Variants in EP300 observed in about 807,000 individuals in gnomAD.
EP300 encodes histone acetyltransferase p300.
In EP300, 31 loss-of-function variants were observed where a neutral mutation model predicts 264.0. The ratio of observed to expected loss-of-function variants is 0.12; its 90% CI spans 0.09 to 0.16. EP300 has a LOEUF of 0.16. Among genes scored for constraint, EP300 ranks in the 10% least tolerant of loss-of-function variants. The pLI is 1.00. For synonymous variants in EP300, 1,340 were observed against 1,045.4 expected, an observed-to-expected ratio of 1.28 and a Z score of -5.44; for missense variants, 2,766 against 3,052.9, an observed-to-expected ratio of 0.91 and a Z score of 2.21.
chr22:41,123,280 A>G (rs139583463), intron 2 of EP300, among the ~76,000 whole-genome samples: 62 of 152,328 alleles, frequency 4.1e-4, no homozygotes, highest in African/African-American at 1.3e-3. Flanking sequence ...TTGTAGGGAA[A>G]GGGAAAAGCT....
At chr22:41,159,047 A>C (rs1414542381) in intron 19 of EP300, 1 of 155,160 alleles carries the variant, frequency 6.4e-6, no homozygotes, top group Non-Finnish European at 1.4e-5. Flanking sequence ...GTGACAGAGG[A>C]TGATTTGAGT....
chr22:41,107,748 T>C (rs1273431049), intron 1 of EP300, among the ~76,000 whole-genome samples: 1 of 152,234 alleles, frequency 6.6e-6, no homozygotes, highest in African/African-American at 2.4e-5. Flanking sequence ...TTGCCCAAAC[T>C]GGAGTGCATT....
At chr22:41,153,065 A>G (rs567300210) in intron 16 of EP300, among the ~76,000 whole-genome samples, 1 of 152,216 alleles carries the variant, frequency 6.6e-6, no homozygotes, top group South Asian at 2.1e-4. Flanking sequence ...CTCATTTAAT[A>G]ATTTCACAAC....
At chr22:41,137,213 CG>C (rs1021781152) in intron 7 of EP300, among the ~76,000 whole-genome samples, 4 of 151,554 alleles carry the variant, frequency 2.6e-5, no homozygotes, top group Non-Finnish European at 4.4e-5. Flanking sequence ...CAAAATTAGC[CG>C]GACGTGGTGG....
chr22:41,160,584 C>T, intron 19 of EP300, 58 bp from the exon 20 acceptor site: 1 of 1,566,720 alleles, frequency 6.4e-7, no homozygotes, highest in Non-Finnish European at 8.8e-7. Flanking sequence ...CGTTGCTTGG[C>T]TTGGGCTGTG....
At chr22:41,163,758 C>CAA (rs536777439) in intron 21 of EP300, among the ~76,000 whole-genome samples, 235 of 151,700 alleles carry the variant, frequency 1.5e-3, no homozygotes, top group African/African-American at 5.6e-3. Context: ...GAAAACAAAA[C>CAA]AAAAAACAGC....
chr22:41,179,360 C>T lies in EP300; in HGVS notation c.*404C>T, dbSNP rs909289817. The T allele has an allele frequency of 1.3e-5, 3 of 223,104 alleles. No individual in the cohort carries two copies. Among genetic ancestry groups the T allele is most frequent in the African/African-American group, 2.3e-5 (1 of 44,118 alleles). The allele number at this position is 223,104 out of a possible 1,614,324, so 13.8% of individuals were successfully genotyped here. A position where few individuals can be genotyped will look rare whatever the true frequency, so the allele number is the denominator to read the frequency against. On this transcript the variant is annotated 3_prime_UTR_variant, in exon 31 of 31. Transcript: ENST00000263253. ...ACTGGTGCAGATGGTTGACATTTTT[C>T]CCTATTTTCCTCACTTTATGGAAGA...
At chr22:41,162,438 A>G (rs1013276682) in intron 20 of EP300, among the ~76,000 whole-genome samples, 3 of 152,176 alleles carry the variant, frequency 2.0e-5, no homozygotes, top group South Asian at 2.1e-4. Flanking sequence ...TAACACCAAG[A>G]ATAGTAACAG....
intron 2 of EP300, among the ~76,000 whole-genome samples, chr22:41,124,277 C>G (rs541253052): frequency 3.3e-5 from 5 of 152,116 alleles, no homozygotes; most frequent in African/African-American, 1.2e-4. Context: ...GTTGCAAAGT[C>G]AAATGACTTG....
intron 1 of EP300, among the ~76,000 whole-genome samples, chr22:41,110,084 C>T (rs1000009289): frequency 2.5e-4 from 35 of 142,074 alleles, no homozygotes; most frequent in Non-Finnish European, 4.1e-4. Flanking sequence ...GCTGGGATTA[C>T]AGGTGTGACC....
In EP300 at chr22:41,149,889, T is replaced by G. The variant is rs1188345048; in HGVS notation, c.2508T>G (p.Pro836=). The G allele has an allele frequency of 6.2e-7, 1 of 1,613,900 alleles. No homozygotes were observed. The highest frequency in any genetic ancestry group is 1.3e-5 in the African/African-American group (1 of 74,848). The change falls in exon 14 of 31, where the codon CCT becomes CCG. Residue 836 remains proline, a synonymous_variant. Transcript: ENST00000263253. ...ATCAGAATTCACCCTCGCCTGTACC[T>G]AGTCGTACCCCCACCCCTCACCATA... ...ALHQNSPSPV[P]SRTPTPHHTP...
intron 17 of EP300, among the ~76,000 whole-genome samples, chr22:41,156,942 A>G (rs2059080832): frequency 6.6e-6 from 1 of 152,186 alleles, no homozygotes; most frequent in Non-Finnish European, 1.5e-5. Context: ...TATCAGCCTG[A>G]TGTCTAGAAA....
chr22:41,119,172 A>ATTTTTTTTTTTTTTT lies in EP300; in HGVS notation c.729+1353_729+1354insTTTTTTTTTTTTTTT. Among the ~76,000 whole-genome samples the ATTTTTTTTTTTTTTT allele has an allele frequency of 1.9e-5, 2 of 107,274 alleles. 1 individual carries two copies. Among genetic ancestry groups the ATTTTTTTTTTTTTTT allele is most frequent in the Non-Finnish European group, 3.6e-5 (2 of 56,234 alleles). 70.4% of individuals were successfully genotyped at this position (107,274 alleles called of 152,430 possible). ...CACATACCACCATGCCTGGCTTATT[A>ATTTTTTTTTTTTTTT]TTATTTTTTTTTTTTTTTTTTTTTT... is the stretch of plus-strand genomic sequence containing the variant. On this transcript the variant is annotated intron_variant, in intron 2 of 30. Coordinates refer to ENST00000263253, the MANE Select transcript of EP300 (RefSeq NM_001429.4).
chr22:41,117,240 T>A lies in EP300; in HGVS notation c.148T>A (p.Ser50Thr). ...CGACTTACCAGATGAATTAATCAAC[T>A]CTACAGAATTGGGACTAACCAATGG... ...EHDLPDELIN[S>T]TELGLTNGGD... The change falls in exon 2 of 31, where the codon TCT becomes ACT. Residue 50 changes from serine (S) to threonine (T), a missense_variant. Transcript: ENST00000263253. The A allele has an allele frequency of 6.2e-7, 1 of 1,614,214 alleles. No homozygotes were observed. The highest frequency in any genetic ancestry group is 8.5e-7 in the Non-Finnish European group (1 of 1,180,030).
chr22:41,135,516 C>T (rs542494340), intron 6 of EP300, among the ~76,000 whole-genome samples: 1 of 151,210 alleles, frequency 6.6e-6, no homozygotes, highest in South Asian at 2.1e-4. Context: ...TTCTGGTCTC[C>T]TGAAGTGCTG....
At chr22:41,143,277 C>T (rs1372176763) in intron 10 of EP300, among the ~76,000 whole-genome samples, 1 of 152,112 alleles carries the variant, frequency 6.6e-6, no homozygotes, top group Non-Finnish European at 1.5e-5. Context: ...CATGGTGAAA[C>T]TCTGTCTCTA....
chr22:41,093,482 C>A (rs1284627577), intron 1 of EP300, among the ~76,000 whole-genome samples: 1 of 152,144 alleles, frequency 6.6e-6, no homozygotes, highest in African/African-American at 2.4e-5. Context: ...AATCCTTTCT[C>A]TTTACTGTAC....
chr22:41,093,597 A>G (rs1267109947), intron 1 of EP300, among the ~76,000 whole-genome samples: 1 of 152,208 alleles, frequency 6.6e-6, no homozygotes, highest in Non-Finnish European at 1.5e-5. Context: ...TGTGTGTGCG[A>G]GGTCCAAGAT....
Position 41,092,812 on chromosome 22 carries a change from C to T in EP300, c.-193C>T, listed in dbSNP as rs1365712826. 2.0e-5 allele frequency: 14 copies of T among 683,694 alleles called. No homozygotes were observed. Among genetic ancestry groups the T allele is most frequent in the African/African-American group, 1.1e-4 (6 of 55,644 alleles). 42.4% of individuals were successfully genotyped at this position (683,694 alleles called of 1,614,324 possible). On this transcript the variant is annotated 5_prime_UTR_variant, in exon 1 of 31. Coordinates refer to ENST00000263253, the MANE Select transcript of EP300 (RefSeq NM_001429.4). ...GCCCGGCCCCTCGCACTTGCCCTTA[C>T]CTTTTCTATCGAGTCCGCATCCCTC...
Sources: gnomAD v4.1 joint callset for allele counts (sites outside exome capture counted in the v4.1 genomes callset) on GRCh38, gnomAD v4.1.1 for gene constraint, MANE v1.5 for transcripts, NCBI Gene and HGNC (gene_info 2026-07-23, HGNC 2026-07-21) for gene names.